Variants in UBAP2 observed in about 807,000 individuals in gnomAD.
UBAP2 encodes ubiquitin associated protein 2.
UBAP2 carries 75 observed loss-of-function variants against 139.6 expected under a neutral mutation model. The observed-to-expected ratio is 0.54, with a 90% CI of 0.45 to 0.65. UBAP2 has a LOEUF of 0.65. Among genes scored for constraint, UBAP2 ranks in the 30% least tolerant of loss-of-function variants. The pLI is 0.00. For synonymous variants in UBAP2, 526 were observed against 526.2 expected, an observed-to-expected ratio of 1.00 and a Z score of 0.01; for missense variants, 1,368 against 1,369.6, an observed-to-expected ratio of 1.00 and a Z score of 0.02.
chr9:33,998,308 G>C (rs1276943195), intron 3 of UBAP2: 2 of 153,264 alleles, frequency 1.3e-5, no homozygotes, highest in African/African-American at 4.8e-5. Flanking sequence ...CGAGGCAGCA[G>C]GATAGCGTGA....
intron 8 of UBAP2, among the ~76,000 whole-genome samples, chr9:33,964,644 G>A (rs1452379086): frequency 6.6e-6 from 1 of 151,602 alleles, no homozygotes; most frequent in African/African-American, 2.4e-5. Flanking sequence ...AGGTTGTAGT[G>A]CACTAAGATT....
Position 33,973,255 on chromosome 9 carries a change from A to AT in UBAP2, c.521-19dup, listed in dbSNP as rs1190864407. The AT allele has an allele frequency of 5.0e-6, 8 of 1,612,280 alleles. No individual in the cohort carries two copies. In the South Asian group the frequency reaches 8.8e-5, roughly 18 times the overall value. ...TCCAAATCCTTTAAAAAAACACACA[A>AT]TTATAGTATAAAATAATACTTATGT... On this transcript the variant is annotated intron_variant, in intron 6 of 28. Coordinates refer to ENST00000379238, the MANE Select transcript of UBAP2 (RefSeq NM_001370062.2).
At chr9:34,025,112 G>C (rs1011311925) in intron 1 of UBAP2, among the ~76,000 whole-genome samples, 6 of 152,138 alleles carry the variant, frequency 3.9e-5, no homozygotes, top group Non-Finnish European at 7.4e-5. Context: ...ACTGAGACAT[G>C]GAAACTAGAC....
At chr9:33,929,330 T>C (rs1240052139) in intron 19 of UBAP2, among the ~76,000 whole-genome samples, 1 of 152,192 alleles carries the variant, frequency 6.6e-6, no homozygotes, top group Non-Finnish European at 1.5e-5. Flanking sequence ...AAGTCTCTTC[T>C]CCCTTAGCTG....
intron 1 of UBAP2, among the ~76,000 whole-genome samples, chr9:34,027,816 T>C (rs1388306942): frequency 1.3e-5 from 2 of 150,292 alleles, no homozygotes; most frequent in African/African-American, 4.9e-5. Flanking sequence ...GAGCCGAGAT[T>C]GCACCACTGC....
chr9:34,003,816 T>C (rs369741952), intron 2 of UBAP2, among the ~76,000 whole-genome samples: 10 of 152,262 alleles, frequency 6.6e-5, no homozygotes, highest in Admixed American at 2.0e-4. Context: ...ACTTCCCAGG[T>C]TGAAGCAATT....
rs373757819 is a variant in UBAP2 at position 33,968,434 on chromosome 9, C to T, written c.679+3217G>A. On this transcript the variant is annotated intron_variant, in intron 8 of 28. Coordinates refer to ENST00000379238, the MANE Select transcript of UBAP2 (RefSeq NM_001370062.2). ...CCACCAGGGCATACATAGTCATGGC[C>T]GAGGGCATGTGCAGCCTGGTCGGCT... 1.8e-3 allele frequency: 995 copies of T among 560,380 alleles called. 14 individuals carry two copies. Among genetic ancestry groups the T allele is most frequent in the South Asian group, 0.013 (939 of 71,440 alleles). 34.7% of individuals were successfully genotyped at this position (560,380 alleles called of 1,614,324 possible).
chr9:33,993,272 G>C (rs575008105), intron 4 of UBAP2, among the ~76,000 whole-genome samples: 33 of 152,272 alleles, frequency 2.2e-4, no homozygotes, highest in African/African-American at 6.7e-4. Flanking sequence ...TCATGCTCTT[G>C]CTCCTAGCAA....
In UBAP2 at chr9:33,943,555, G is replaced by C. The variant is rs1270086922; in HGVS notation, c.1580C>G (p.Ala527Gly). 6.2e-7 allele frequency: 1 copy of C among 1,613,986 alleles called. No individual in the cohort carries two copies. The highest frequency in any genetic ancestry group is 1.3e-5 in the African/African-American group (1 of 74,902). The change falls in exon 15 of 29, where the codon GCA becomes GGA. Residue 527 changes from alanine to glycine, a missense_variant. Coordinates refer to ENST00000379238, the MANE Select transcript of UBAP2 (RefSeq NM_001370062.2). Reference sequence around the variant, plus strand: ...CTGCACATTTAATCCTGTGACATCTGCTGAACCAGGCATTTCCACTGCAGA... The same window carrying C: ...CTGCACATTTAATCCTGTGACATCTCCTGAACCAGGCATTTCCACTGCAGA... ...PASAVEMPGS[A>G]DVTGLNVQFG... is the part of the protein sequence containing the mutation.
intron 16 of UBAP2, 133 bp from the exon 17 acceptor site, chr9:33,936,011 G>T: frequency 9.8e-7 from 1 of 1,024,700 alleles, no homozygotes; most frequent in South Asian, 1.6e-5. Context: ...TTTAATAAAG[G>T]GAAGATAAAC....
At chr9:34,038,722 G>C (rs11999054) in intron 1 of UBAP2, among the ~76,000 whole-genome samples, 1 of 151,774 alleles carries the variant, frequency 6.6e-6, no homozygotes, top group Non-Finnish European at 1.5e-5. Context: ...GGGAAGTGAG[G>C]AGCATCTCTG....
In UBAP2 at chr9:33,973,253, C is replaced by T. The variant is rs750832932; in HGVS notation, c.521-16G>A. ...CGTCCAAATCCTTTAAAAAAACACA[C>T]AATTATAGTATAAAATAATACTTAT... On this transcript the variant is annotated splice_polypyrimidine_tract_variant and intron_variant, in intron 6 of 28. Transcript: ENST00000379238. 3.7e-6 allele frequency: 6 copies of T among 1,612,974 alleles called. No individual in the cohort carries two copies. Among genetic ancestry groups the T allele is most frequent in the Non-Finnish European group, 5.1e-6 (6 of 1,179,048 alleles).
chr9:33,945,491 G>GACAA (rs10627941), intron 13 of UBAP2, among the ~76,000 whole-genome samples: 91,253 of 150,602 alleles, frequency 0.61, 27,735 homozygotes, highest in East Asian at 0.77. Flanking sequence ...CAGACTGGGT[G>GACAA]ACAAACAAAC....
intron 2 of UBAP2, among the ~76,000 whole-genome samples, chr9:34,001,463 TAGAGTCACA>T (rs1204001208): frequency 6.6e-6 from 1 of 152,210 alleles, no homozygotes; most frequent in African/African-American, 2.4e-5. Flanking sequence ...AAACTAGACT[TAGAGTCACA>T]AGAGTTCATC....
chr9:33,993,725 C>G (rs566478049), intron 4 of UBAP2, among the ~76,000 whole-genome samples: 2 of 152,220 alleles, frequency 1.3e-5, no homozygotes, highest in Admixed American at 1.3e-4. Flanking sequence ...CTTCTGTCCC[C>G]CACAGCCCAC....
intron 2 of UBAP2, among the ~76,000 whole-genome samples, chr9:34,000,806 T>C (rs1424384653): frequency 6.6e-6 from 1 of 152,160 alleles, no homozygotes; most frequent in Non-Finnish European, 1.5e-5. Context: ...TGTGGGTGGG[T>C]GATTATACAA....
chr9:33,996,150 C>T (rs1822178711), intron 4 of UBAP2, 73 bp downstream of exon 4: 2 of 1,171,132 alleles, frequency 1.7e-6, no homozygotes, highest in Non-Finnish European at 2.5e-6. Context: ...TACCCCCAAA[C>T]AAGGTGAAGT....
chr9:34,046,032 G>C (rs1003656919), intron 1 of UBAP2, among the ~76,000 whole-genome samples: 1 of 151,948 alleles, frequency 6.6e-6, no homozygotes, highest in South Asian at 2.1e-4. Context: ...TTTTAAGAAC[G>C]CTCCATTTAC....
intron 16 of UBAP2, 31 bp downstream of exon 16, chr9:33,941,618 C>T: frequency 6.4e-7 from 1 of 1,571,378 alleles, no homozygotes; most frequent in African/African-American, 1.3e-5. Flanking sequence ...AGACGGACAT[C>T]TTCTGAGAAA....
Sources: gnomAD v4.1 joint callset for allele counts (sites outside exome capture counted in the v4.1 genomes callset) on GRCh38, gnomAD v4.1.1 for gene constraint, MANE v1.5 for transcripts, NCBI Gene and HGNC (gene_info 2026-07-23, HGNC 2026-07-21) for gene names.